The following SSBP2 variants were observed in gnomAD, a reference collection of about 807,000 sequenced individuals.
The protein encoded by SSBP2 is single stranded DNA binding protein 2, also known as single-stranded DNA-binding protein 2.
A neutral mutation model predicts 61.8 loss-of-function variants in SSBP2; 17 were observed. The ratio of observed to expected loss-of-function variants is 0.28; its 90% CI spans 0.19 to 0.41. The LOEUF (loss-of-function observed/expected upper bound fraction) is 0.41. Ranked by LOEUF, SSBP2 falls within the 10% of genes least tolerant of loss-of-function variation. The probability of loss-of-function intolerance (pLI) is 1.00; values close to 1 mark genes in which losing one functional copy is unlikely to be tolerated. For synonymous variants in SSBP2, 139 were observed against 141.3 expected, an observed-to-expected ratio of 0.98 and a Z score of 0.12; for missense variants, 310 against 458.7, an observed-to-expected ratio of 0.68 and a Z score of 2.96.
chr5:81,652,050 A>C (rs1422391673), intron 1 of SSBP2, among the ~76,000 whole-genome samples: 1 of 152,156 alleles, frequency 6.6e-6, no homozygotes, highest in African/African-American at 2.4e-5. Context: ...TTAGCATAGG[A>C]AAGAAATCCA....
chr5:81,512,554 A>C (rs1254697525), intron 5 of SSBP2, among the ~76,000 whole-genome samples: 1 of 152,200 alleles, frequency 6.6e-6, no homozygotes, highest in African/African-American at 2.4e-5. Flanking sequence ...CTCTAAGAAG[A>C]CTTTTCTAGA....
chr5:81,685,713 A>G (rs1253708763), intron 1 of SSBP2, among the ~76,000 whole-genome samples: 1 of 152,164 alleles, frequency 6.6e-6, no homozygotes, highest in African/African-American at 2.4e-5. Context: ...CTGAATAGAC[A>G]GCCAATTCCA....
chr5:81,642,902 A>G (rs957150410), intron 2 of SSBP2, among the ~76,000 whole-genome samples: 2 of 152,256 alleles, frequency 1.3e-5, no homozygotes, highest in Admixed American at 6.5e-5. Flanking sequence ...ATAAATATAT[A>G]CAGGTATACA....
intron 9 of SSBP2, among the ~76,000 whole-genome samples, chr5:81,463,758 C>CTTTTTTTTTTT (rs938398439): frequency 1.0e-5 from 1 of 96,312 alleles, no homozygotes. Context: ...GAAAAATCCT[C>CTTTTTTTTTTT]TTTTTTTTTT....
intron 4 of SSBP2, among the ~76,000 whole-genome samples, chr5:81,604,514 T>G (rs940029240): frequency 3.3e-5 from 5 of 152,116 alleles, no homozygotes; most frequent in Non-Finnish European, 7.4e-5. Flanking sequence ...CTAGAATTAT[T>G]GGACATGACT....
chr5:81,560,729 T>C lies in SSBP2; in HGVS notation c.283-47012A>G, dbSNP rs912254905. The stretch of plus-strand genomic sequence containing the variant: ...AGTTTTCCTTAAGTATTCTGATTCA[T>C]AACAATATTTTTTACAGCTTTAAGT... On this transcript the variant is annotated intron_variant, in intron 4 of 16. Transcript: ENST00000320672. 5.6e-4 allele frequency among the ~76,000 whole-genome samples: 85 copies of C among 152,308 alleles called. 1 individual carries two copies. Among genetic ancestry groups the C allele is most frequent in the Middle Eastern group, 3.4e-3 (1 of 294 alleles).
intron 4 of SSBP2, among the ~76,000 whole-genome samples, chr5:81,563,311 A>T (rs980589807): frequency 3.4e-4 from 52 of 152,300 alleles, no homozygotes; most frequent in Admixed American, 2.2e-3. Context: ...AAAATACAAA[A>T]CAAAATACAA....
chr5:81,439,558 A>G (rs768773167), intron 14 of SSBP2, among the ~76,000 whole-genome samples: 1 of 151,044 alleles, frequency 6.6e-6, no homozygotes, highest in Non-Finnish European at 1.5e-5. Flanking sequence ...CTGCAGTGCA[A>G]TGGAGCAATC....
intron 1 of SSBP2, among the ~76,000 whole-genome samples, chr5:81,661,553 A>C (rs765664532): frequency 2.0e-5 from 3 of 152,102 alleles, no homozygotes; most frequent in Non-Finnish European, 2.9e-5. Flanking sequence ...AACAGGTGTC[A>C]AGTGATACCT....
intron 1 of SSBP2, among the ~76,000 whole-genome samples, chr5:81,726,403 A>C (rs1011767290): frequency 1.7e-4 from 26 of 152,324 alleles, no homozygotes; most frequent in African/African-American, 3.6e-4. Flanking sequence ...GAGGAGAAAC[A>C]ACAGTACAGT....
At chr5:81,569,859 A>G (rs181774229) in intron 4 of SSBP2, among the ~76,000 whole-genome samples, 259 of 152,294 alleles carry the variant, frequency 1.7e-3, no homozygotes, top group African/African-American at 5.8e-3. Context: ...AAGCGACACT[A>G]AATTAAAGCT....
At chr5:81,458,866 G>A (rs1210914869) in intron 10 of SSBP2, among the ~76,000 whole-genome samples, 4 of 152,136 alleles carry the variant, frequency 2.6e-5, no homozygotes, top group African/African-American at 9.7e-5. Context: ...CTTGTTCTTA[G>A]AGTGGTCATT....
intron 3 of SSBP2, among the ~76,000 whole-genome samples, chr5:81,635,219 C>CA (rs566779886): frequency 0.011 from 1,473 of 133,868 alleles, 10 homozygotes; most frequent in African/African-American, 0.03. Flanking sequence ...TTCTTCGAGG[C>CA]AAAAAAAAAA....
chr5:81,683,630 G>T (rs1752563423), intron 1 of SSBP2, among the ~76,000 whole-genome samples: 1 of 152,070 alleles, frequency 6.6e-6, no homozygotes, highest in Admixed American at 6.6e-5. Context: ...TGGTAAGTTT[G>T]GCTTCATTAA....
chr5:81,612,650 T>G (rs770212409), intron 4 of SSBP2, among the ~76,000 whole-genome samples: 2 of 152,086 alleles, frequency 1.3e-5, no homozygotes, highest in Admixed American at 6.5e-5. Context: ...TATAAAATAA[T>G]AAGACTAATT....
At chr5:81,503,038 T>C (rs565253401) in intron 5 of SSBP2, among the ~76,000 whole-genome samples, 1 of 152,176 alleles carries the variant, frequency 6.6e-6, no homozygotes, top group South Asian at 2.1e-4. Flanking sequence ...TCAGAAGACA[T>C]ACATGTGGCC....
At chr5:81,437,103 GA>G (rs1462265519) in intron 15 of SSBP2, among the ~76,000 whole-genome samples, 9 of 151,690 alleles carry the variant, frequency 5.9e-5, no homozygotes, top group Non-Finnish European at 1.2e-4. Context: ...ATTTTCAAAA[GA>G]TTATCTAAAT....
Position 81,428,572 on chromosome 5 carries a change from A to G in SSBP2, c.1056+13T>C. Reference sequence around the variant, plus strand: ...ATAAAATTTGAGTATAATATAGTCAAGGGAATACTTACACTCTCACTCTGA... The same window carrying G: ...ATAAAATTTGAGTATAATATAGTCAGGGGAATACTTACACTCTCACTCTGA... On this transcript the variant is annotated intron_variant, in intron 16 of 16. Coordinates refer to ENST00000320672, the MANE Select transcript of SSBP2 (RefSeq NM_012446.5). 1 of 1,599,802 alleles carries G rather than the reference A, an allele frequency of 6.3e-7. No homozygotes were observed. Among genetic ancestry groups the G allele is most frequent in the Non-Finnish European group, 8.6e-7 (1 of 1,167,430 alleles).
chr5:81,471,626 T>A (rs1561439748), intron 8 of SSBP2, among the ~76,000 whole-genome samples: 1 of 152,006 alleles, frequency 6.6e-6, no homozygotes, highest in Non-Finnish European at 1.5e-5. Context: ...TTGGTTAACA[T>A]GTATCATCAT....
Sources: gnomAD v4.1 joint callset for allele counts (sites outside exome capture counted in the v4.1 genomes callset) on GRCh38, gnomAD v4.1.1 for gene constraint, MANE v1.5 for transcripts, NCBI Gene and HGNC (gene_info 2026-07-23, HGNC 2026-07-21) for gene names.